Variants in FOXP2 observed in about 807,000 individuals in gnomAD.
The protein encoded by FOXP2 is forkhead box P2, also known as forkhead box protein P2.
Under a neutral mutation model 115.8 loss-of-function variants are expected in FOXP2, and 12 were observed. The observed-to-expected ratio is 0.10, with a 90% CI of 0.07 to 0.17. FOXP2 has a LOEUF of 0.17. Ranked by LOEUF, FOXP2 falls within the 10% of genes least tolerant of loss-of-function variation. FOXP2 has a pLI of 1.00. For synonymous variants in FOXP2, 328 were observed against 297.7 expected (o/e 1.10, Z -1.05); for missense variants, 629 against 843.5 (o/e 0.75, Z 3.15).
At chr7:114,177,234 A>G (rs1444637731) in intron 1 of FOXP2, among the ~76,000 whole-genome samples, 1 of 152,170 alleles carries the variant, frequency 6.6e-6, no homozygotes, top group African/African-American at 2.4e-5. Flanking sequence ...AGGTATCTAT[A>G]GCATAGTGTC....
intron 2 of FOXP2, among the ~76,000 whole-genome samples, chr7:114,472,538 G>C (rs1796096516): frequency 6.6e-6 from 1 of 151,946 alleles, no homozygotes; most frequent in Non-Finnish European, 1.5e-5. Context: ...AGTAGAGACA[G>C]GGTTTCATCA....
intron 2 of FOXP2, among the ~76,000 whole-genome samples, chr7:114,523,592 AGTTT>A (rs778159528): frequency 5.3e-5 from 8 of 152,084 alleles, no homozygotes; most frequent in Non-Finnish European, 1.0e-4. Context: ...AGAGAACCGA[AGTTT>A]TGTTTTTTTC....
chr7:114,108,853 C>T (rs940909219), intron 1 of FOXP2, among the ~76,000 whole-genome samples: 1 of 151,840 alleles, frequency 6.6e-6, no homozygotes, highest in African/African-American at 2.4e-5. Flanking sequence ...TTAATTGCTA[C>T]ATTTAATCTG....
intron 2 of FOXP2, among the ~76,000 whole-genome samples, chr7:114,383,929 G>C (rs1281267123): frequency 1.3e-5 from 2 of 152,156 alleles, no homozygotes; most frequent in Non-Finnish European, 2.9e-5. Flanking sequence ...TATCAGATTA[G>C]TGATGCTCAC....
At chr7:114,376,951 A>G (rs1407830663) in intron 2 of FOXP2, among the ~76,000 whole-genome samples, 5 of 152,220 alleles carry the variant, frequency 3.3e-5, no homozygotes, top group Admixed American at 2.0e-4. Context: ...CCAAAGTCTC[A>G]GTTTCCTCTG....
At chr7:114,097,518 T>C (rs562327103) in intron 1 of FOXP2, among the ~76,000 whole-genome samples, 1 of 152,342 alleles carries the variant, frequency 6.6e-6, no homozygotes, top group South Asian at 2.1e-4. Context: ...CTTCCTCTTA[T>C]TTTTCATTCA....
chr7:114,595,268 A>G (rs1193409824), intron 3 of FOXP2, among the ~76,000 whole-genome samples: 2 of 152,032 alleles, frequency 1.3e-5, no homozygotes, highest in East Asian at 1.9e-4. Flanking sequence ...CCCATGTTAT[A>G]TAATTAACCG....
chr7:114,642,812 A>ATATATATTTTTTT (rs1308357594), intron 7 of FOXP2, among the ~76,000 whole-genome samples, 189 bp downstream of exon 7: 1 of 72,438 alleles, frequency 1.4e-5, no homozygotes, highest in Non-Finnish European at 2.3e-5. Flanking sequence ...ATATATATAT[A>ATATATATTTTTTT]TTTTTTTTTT....
chr7:114,525,133 T>C lies in FOXP2; in HGVS notation c.169-9484T>C, dbSNP rs539695898. On this transcript the variant is annotated intron_variant, in intron 2 of 16. Transcript: ENST00000350908. Reference sequence around the variant, plus strand: ...ACTATGCTAGACCCATTAGTTAAAATGTACATACCTTTTTAGCAAACCCAC... The same window carrying C: ...ACTATGCTAGACCCATTAGTTAAAACGTACATACCTTTTTAGCAAACCCAC... Among the ~76,000 whole-genome samples the C allele has an allele frequency of 1.2e-3, 182 of 152,302 alleles. 1 individual carries two copies. The highest frequency in any genetic ancestry group is 4.0e-3 in the African/African-American group (166 of 41,582).
chr7:114,478,173 G>A (rs1796370932), intron 2 of FOXP2, among the ~76,000 whole-genome samples: 1 of 151,812 alleles, frequency 6.6e-6, no homozygotes, highest in Admixed American at 6.6e-5. Flanking sequence ...TAGTAAAAGA[G>A]ACTGAGTAAG....
At chr7:114,482,333 A>G (rs562992454) in intron 2 of FOXP2, among the ~76,000 whole-genome samples, 2 of 151,668 alleles carry the variant, frequency 1.3e-5, no homozygotes, top group East Asian at 3.9e-4. Flanking sequence ...TTTCATAATT[A>G]AATGATATAT....
intron 2 of FOXP2, among the ~76,000 whole-genome samples, chr7:114,435,153 GA>G (rs1304713534): frequency 6.6e-6 from 1 of 152,078 alleles, no homozygotes; most frequent in Middle Eastern, 3.2e-3. Flanking sequence ...CACTATGATT[GA>G]AAATAAATGG....
intron 3 of FOXP2, among the ~76,000 whole-genome samples, chr7:114,603,273 A>G (rs1803131813): frequency 6.6e-6 from 1 of 152,186 alleles, no homozygotes; most frequent in African/African-American, 2.4e-5. Context: ...TACCCTTTCA[A>G]TGTTGAGCAT....
At chr7:114,421,993 G>A (rs1219817746) in intron 1 of FOXP2, among the ~76,000 whole-genome samples, 1 of 151,592 alleles carries the variant, frequency 6.6e-6, no homozygotes, top group African/African-American at 2.4e-5. Context: ...GAGGTTTCTT[G>A]TTACATATGT....
chr7:114,673,362 A>T (rs1807595937), intron 16 of FOXP2, among the ~76,000 whole-genome samples: 1 of 152,232 alleles, frequency 6.6e-6, no homozygotes, highest in South Asian at 2.1e-4. Context: ...CAATGATGAA[A>T]GTAATTACAT....
chr7:114,196,358 T>C (rs1355578549), intron 1 of FOXP2, among the ~76,000 whole-genome samples: 1 of 152,186 alleles, frequency 6.6e-6, no homozygotes, highest in Non-Finnish European at 1.5e-5. Flanking sequence ...CTTAGCCTTG[T>C]TTTTCTATGT....
intron 1 of FOXP2, among the ~76,000 whole-genome samples, chr7:114,256,645 G>T (rs1347492758): frequency 5.9e-5 from 9 of 152,160 alleles, no homozygotes; most frequent in Non-Finnish European, 8.8e-5. Context: ...TACCCATTCT[G>T]TGGGTTAGCT....
chr7:114,205,970 A>G (rs1794191999), intron 1 of FOXP2, among the ~76,000 whole-genome samples: 1 of 152,160 alleles, frequency 6.6e-6, no homozygotes, highest in African/African-American at 2.4e-5. Flanking sequence ...TGGCATGCAT[A>G]TGTCATCCTG....
rs768524393 is a variant in FOXP2, at chr7:114,339,604, C to A, written c.-11+51495C>A. Reference sequence around the variant, plus strand: ...GCAGCTGGGTGTGGTGTTAGTAACACCCTTATGAGATAATCAACCTGAGAG... The same window carrying A: ...GCAGCTGGGTGTGGTGTTAGTAACAACCTTATGAGATAATCAACCTGAGAG... On this transcript the variant is annotated intron_variant, in intron 2 of 17. Transcript: ENST00000634411. 7.2e-4 allele frequency among the ~76,000 whole-genome samples: 109 copies of A among 150,980 alleles called. 1 individual carries two copies. The highest frequency in any genetic ancestry group is 2.5e-4 in the Non-Finnish European group (17 of 67,242).
Sources: gnomAD v4.1 joint callset for allele counts (sites outside exome capture counted in the v4.1 genomes callset) on GRCh38, gnomAD v4.1.1 for gene constraint, MANE v1.5 for transcripts, NCBI Gene and HGNC (gene_info 2026-07-23, HGNC 2026-07-21) for gene names.